TFEC: variants seen among roughly 807,000 people sequenced by gnomAD.
The protein encoded by TFEC is transcription factor EC.
In TFEC, 31 loss-of-function variants were observed where a neutral mutation model predicts 41.6. The ratio of observed to expected loss-of-function variants is 0.74; its 90% CI spans 0.56 to 1.01. The LOEUF (loss-of-function observed/expected upper bound fraction) is 1.01, where lower values mean the gene tolerates loss of function less well. TFEC is among the 50% of genes least tolerant of loss of function. TFEC has a pLI of 0.00. For missense variants in TFEC, 402 were observed against 404.1 expected (o/e 0.99, Z 0.04); for synonymous variants, 143 against 140.6 (o/e 1.02, Z -0.12).
chr7:116,078,503 TTACAACTGATACCACAGAAA>T (rs1797012441), intron 3 of TFEC, among the ~76,000 whole-genome samples: 1 of 151,786 alleles, frequency 6.6e-6, no homozygotes, highest in Non-Finnish European at 1.5e-5. Flanking sequence ...ACAGGAGATA[TTACAACTGATACCACAGAAA>T]TACAAAAGAT....
At chr7:115,950,459 A>G (rs893113056) in intron 6 of TFEC, among the ~76,000 whole-genome samples, 10 of 152,132 alleles carry the variant, frequency 6.6e-5, no homozygotes, top group African/African-American at 2.4e-4. Flanking sequence ...TGTGTCTCCA[A>G]AATTCGGGGA....
At chr7:115,984,857 A>G (rs1394240121) in intron 1 of TFEC, among the ~76,000 whole-genome samples, 1 of 152,184 alleles carries the variant, frequency 6.6e-6, no homozygotes, top group African/African-American at 2.4e-5. Flanking sequence ...TCACTATTAC[A>G]AGTAATTTGT....
chr7:116,127,421 G>A (rs891559758), intron 1 of TFEC, among the ~76,000 whole-genome samples: 7 of 152,182 alleles, frequency 4.6e-5, no homozygotes, highest in South Asian at 2.1e-4. Context: ...AATTCGTGTC[G>A]TTTAGTTGAT....
intron 1 of TFEC, among the ~76,000 whole-genome samples, chr7:115,997,036 T>C (rs1794395295): frequency 6.6e-6 from 1 of 152,182 alleles, no homozygotes; most frequent in South Asian, 2.1e-4. Flanking sequence ...GACACAAGTC[T>C]GGCTGACTTT....
At chr7:116,143,445 G>T (rs1294171425) in intron 1 of TFEC, among the ~76,000 whole-genome samples, 1 of 152,138 alleles carries the variant, frequency 6.6e-6, no homozygotes, top group East Asian at 1.9e-4. Context: ...GGATATGAGG[G>T]TTAATAATTC....
rs929902447 is a variant in TFEC at position 115,936,678 on chromosome 7, C to A, written c.*3873G>T. The A allele has an allele frequency of 6.6e-6, 1 of 151,390 alleles. No individual in the cohort carries two copies. The highest frequency in any genetic ancestry group is 2.4e-5 in the African/African-American group (1 of 41,328). The allele number at this position is 151,390 out of a possible 1,614,324, so 9.4% of individuals were successfully genotyped here. A position where few individuals can be genotyped will look rare whatever the true frequency, so the allele number is the denominator to read the frequency against. The stretch of plus-strand genomic sequence containing the variant: ...TTCAAAATAAAATAAAAATATATTC[C>A]TTTTAAAGTTGTGAAATCTAATTCC... On this transcript the variant is annotated 3_prime_UTR_variant, in exon 8 of 8. Coordinates refer to ENST00000265440, the MANE Select transcript of TFEC (RefSeq NM_012252.4).
chr7:115,941,085 G>T, intron 7 of TFEC, 154 bp from the exon 8 acceptor site: 1 of 754,920 alleles, frequency 1.3e-6, no homozygotes. Context: ...TAATGAAATT[G>T]ATACATTTCT....
intron 1 of TFEC, among the ~76,000 whole-genome samples, chr7:116,000,526 T>A (rs943023190): frequency 6.6e-6 from 1 of 152,114 alleles, no homozygotes; most frequent in Non-Finnish European, 1.5e-5. Flanking sequence ...GATTAAATGA[T>A]CCTACATTTG....
At chr7:115,951,014 A>T in intron 5 of TFEC, 65 bp from the exon 6 acceptor site, 1 of 929,588 alleles carries the variant, frequency 1.1e-6, no homozygotes, top group African/African-American at 1.7e-5. Flanking sequence ...GTCAGCTGTA[A>T]ACATTTTTAA....
intron 3 of TFEC, among the ~76,000 whole-genome samples, chr7:116,079,135 T>C (rs1461260725): frequency 6.6e-6 from 1 of 152,008 alleles, no homozygotes; most frequent in East Asian, 1.9e-4. Context: ...ACCATCTCTT[T>C]ATGATTAAAA....
At chr7:115,987,930 G>C (rs1316955129) in intron 1 of TFEC, among the ~76,000 whole-genome samples, 1 of 152,076 alleles carries the variant, frequency 6.6e-6, no homozygotes, top group Admixed American at 6.6e-5. Flanking sequence ...ATTGTGATTT[G>C]TTTCATTGAA....
rs192767022 is a variant in TFEC at position 116,046,480 on chromosome 7, G to A, written c.199-61967C>T. ...TGCGTTTCCCCTCTTGCCATGATTC[G>A]AAGGCCTTCCTAGCCATGTGGAACC... On this transcript the variant is annotated intron_variant, in intron 3 of 8. Transcript: ENST00000484212. Among the ~76,000 whole-genome samples, 574 of 151,960 alleles carry A rather than the reference G, an allele frequency of 3.8e-3. 16 individuals are homozygous for A. The highest frequency in any genetic ancestry group is 0.036 in the Admixed American group (555 of 15,264).
chr7:116,030,896 AC>A, upstream of TFEC: 1 of 885,116 alleles, frequency 1.1e-6, no homozygotes, highest in Non-Finnish European at 1.4e-6. Flanking sequence ...AGTTAAGACG[AC>A]TTCCTTTCTT....
At chr7:116,052,681 C>A (rs1432826252) in intron 3 of TFEC, among the ~76,000 whole-genome samples, 1 of 151,740 alleles carries the variant, frequency 6.6e-6, no homozygotes, top group Non-Finnish European at 1.5e-5. Context: ...CCCACCTTAG[C>A]CTCCCAAAGT....
intron 3 of TFEC, among the ~76,000 whole-genome samples, chr7:116,045,813 G>A (rs922809327): frequency 3.3e-5 from 5 of 152,224 alleles, no homozygotes; most frequent in Admixed American, 2.6e-4. Flanking sequence ...AAGCAGCCAA[G>A]AGGGAGGCTG....
chr7:116,126,375 G>A (rs950789071), intron 1 of TFEC, among the ~76,000 whole-genome samples: 4 of 151,974 alleles, frequency 2.6e-5, no homozygotes, highest in African/African-American at 9.7e-5. Context: ...GTAAGATAGA[G>A]GTTCAATCAT....
At chr7:116,097,598 T>A (rs144078451) in intron 3 of TFEC, among the ~76,000 whole-genome samples, 13 of 152,262 alleles carry the variant, frequency 8.5e-5, no homozygotes, top group Admixed American at 5.2e-4. Flanking sequence ...GACAAAGGGA[T>A]GATTCATATT....
chr7:116,015,061 A>G (rs1795138878), intron 1 of TFEC, among the ~76,000 whole-genome samples: 1 of 151,198 alleles, frequency 6.6e-6, no homozygotes. Context: ...CAGCAGCAAT[A>G]GAAAACTAAT....
At chr7:116,129,187 A>G (rs1475098032) in intron 1 of TFEC, among the ~76,000 whole-genome samples, 1 of 152,162 alleles carries the variant, frequency 6.6e-6, no homozygotes, top group East Asian at 1.9e-4. Context: ...ATTTTGTCGA[A>G]GGGTTCTTTT....
Sources: gnomAD v4.1 joint callset for allele counts (sites outside exome capture counted in the v4.1 genomes callset) on GRCh38, gnomAD v4.1.1 for gene constraint, MANE v1.5 for transcripts, NCBI Gene and HGNC (gene_info 2026-07-23, HGNC 2026-07-21) for gene names.